LRRC1: variants seen among roughly 807,000 people sequenced by gnomAD.
LRRC1 encodes leucine rich repeat containing 1.
A neutral mutation model predicts 69.9 loss-of-function variants in LRRC1; 28 were observed. That is an observed-to-expected ratio of 0.40 (90% CI 0.30 to 0.55). LRRC1 has a LOEUF of 0.55. Among genes scored for constraint, LRRC1 ranks in the 20% least tolerant of loss-of-function variants. The pLI is 0.47. For missense variants in LRRC1, 498 were observed against 609.0 expected (o/e 0.82, Z 1.92); for synonymous variants, 236 against 240.2 (o/e 0.98, Z 0.16).
chr6:53,795,501 C>G (rs1340785577), intron 1 of LRRC1, 86 bp downstream of exon 1: 1 of 1,375,496 alleles, frequency 7.3e-7, no homozygotes, highest in Non-Finnish European at 9.7e-7. Context: ...TCTTCCATCT[C>G]CGGGTCCGGC....
At chr6:53,843,327 A>G (rs1006912056) in intron 2 of LRRC1, among the ~76,000 whole-genome samples, 2 of 152,200 alleles carry the variant, frequency 1.3e-5, no homozygotes, top group Non-Finnish European at 2.9e-5. Context: ...CAGGTCCCAG[A>G]CATATAATTC....
At chr6:53,811,471 G>C (rs1466202770) in intron 1 of LRRC1, among the ~76,000 whole-genome samples, 2 of 152,226 alleles carry the variant, frequency 1.3e-5, no homozygotes, top group Non-Finnish European at 2.9e-5. Flanking sequence ...ATTAGTTGGG[G>C]TGTTAATGAG....
intron 1 of LRRC1, among the ~76,000 whole-genome samples, chr6:53,820,923 C>A (rs1765096839): frequency 6.6e-6 from 1 of 152,136 alleles, no homozygotes; most frequent in Non-Finnish European, 1.5e-5. Context: ...ACACTATGGG[C>A]TACTACTGTA....
chr6:53,854,408 A>G (rs1766244469), intron 2 of LRRC1, among the ~76,000 whole-genome samples: 1 of 152,238 alleles, frequency 6.6e-6, no homozygotes, highest in Non-Finnish European at 1.5e-5. Context: ...TGAAATATAA[A>G]GAAACATTGT....
intron 1 of LRRC1, among the ~76,000 whole-genome samples, chr6:53,838,073 T>C (rs903472543): frequency 5.3e-5 from 8 of 152,196 alleles, no homozygotes; most frequent in African/African-American, 1.9e-4. Flanking sequence ...CTGGCTGATC[T>C]CAAAGGCAAG....
chr6:53,855,576 G>A (rs6925391), intron 2 of LRRC1, among the ~76,000 whole-genome samples: 69,172 of 151,982 alleles, frequency 0.46, 15,995 homozygotes, highest in Middle Eastern at 0.54. Context: ...GGAATTTCCT[G>A]CTTCCTCATC....
intron 2 of LRRC1, among the ~76,000 whole-genome samples, chr6:53,870,510 C>T (rs1277548974): frequency 2.0e-5 from 3 of 151,984 alleles, no homozygotes; most frequent in Non-Finnish European, 4.4e-5. Context: ...TTAGTTTTAT[C>T]TTTAATGGAC....
chr6:53,897,310 A>C lies in LRRC1; in HGVS notation c.593A>C (p.His198Pro), dbSNP rs766159853. The C allele has an allele frequency of 6.2e-7, 1 of 1,612,652 alleles. No homozygotes were observed. The highest frequency in any genetic ancestry group is 1.1e-5 in the South Asian group (1 of 90,978). The change falls in exon 7 of 14, where the codon CAT becomes CCT. Residue 198 changes from histidine (H) to proline (P), a missense_variant. By Grantham distance (77) the His-to-Pro change is moderately conservative. Around this residue, in one of 3 missense-constraint regions of LRRC1, gnomAD observed 266 missense variants for 383.9 expected, o/e 0.69. Coordinates refer to ENST00000370888, the MANE Select transcript of LRRC1 (RefSeq NM_018214.5). Reference sequence around the variant, plus strand: ...CCAGAATCAATTGGAGCCCTCTTACATCTAAAAGATCTCTGGTTGGATGGA... The same window carrying C: ...CCAGAATCAATTGGAGCCCTCTTACCTCTAAAAGATCTCTGGTTGGATGGA... Reference protein sequence around the residue: ...NLPESIGALLHLKDLWLDGNQ... With the variant: ...NLPESIGALLPLKDLWLDGNQ...
intron 1 of LRRC1, among the ~76,000 whole-genome samples, chr6:53,803,231 T>G (rs1230824765): frequency 6.6e-6 from 1 of 152,182 alleles, no homozygotes; most frequent in Non-Finnish European, 1.5e-5. Flanking sequence ...AACATTTCTT[T>G]GCGATGATGA....
intron 4 of LRRC1, chr6:53,884,238 C>A: frequency 2.0e-6 from 1 of 491,046 alleles, no homozygotes; most frequent in Non-Finnish European, 3.6e-6. Flanking sequence ...GGCATGGTGG[C>A]TCACACCTGT....
chr6:53,888,533 C>A (rs1767569428), intron 4 of LRRC1, among the ~76,000 whole-genome samples: 1 of 152,160 alleles, frequency 6.6e-6, no homozygotes, highest in African/African-American at 2.4e-5. Context: ...ACAAGTCGAT[C>A]TACAGACTCA....
intron 1 of LRRC1, among the ~76,000 whole-genome samples, chr6:53,840,888 G>GTC (rs1562038813): frequency 2.7e-5 from 2 of 74,736 alleles, no homozygotes; most frequent in African/African-American, 4.8e-5. Context: ...ATGTGTTTGT[G>GTC]TGTGTGTGTG....
intron 2 of LRRC1, among the ~76,000 whole-genome samples, chr6:53,871,296 T>A (rs1361808450): frequency 2.0e-5 from 3 of 152,194 alleles, no homozygotes; most frequent in Admixed American, 2.0e-4. Context: ...TTGCCGGTAT[T>A]TGTTGTTTTT....
intron 8 of LRRC1, among the ~76,000 whole-genome samples, 200 bp from the exon 9 acceptor site, chr6:53,902,429 T>C (rs528994393): frequency 1.3e-5 from 2 of 152,344 alleles, no homozygotes; most frequent in South Asian, 4.1e-4. Context: ...CTGACCGTTT[T>C]TGATGTTCTA....
intron 4 of LRRC1, among the ~76,000 whole-genome samples, chr6:53,887,510 T>C (rs1389438675): frequency 6.6e-6 from 1 of 151,974 alleles, no homozygotes; most frequent in Admixed American, 6.6e-5. Flanking sequence ...GCATATACTG[T>C]CTCATGACAC....
At chr6:53,890,358 G>C (rs1018576630) in intron 4 of LRRC1, among the ~76,000 whole-genome samples, 4 of 152,188 alleles carry the variant, frequency 2.6e-5, no homozygotes, top group African/African-American at 9.6e-5. Context: ...GTTGCTGATA[G>C]AAGTAGAATG....
intron 3 of LRRC1, among the ~76,000 whole-genome samples, chr6:53,880,870 C>A (rs930890302): frequency 2.0e-5 from 3 of 152,198 alleles, no homozygotes; most frequent in Non-Finnish European, 4.4e-5. Flanking sequence ...CTGGACTAAA[C>A]TTAAGGCAGC....
chr6:53,910,533 A>G (rs754141069), intron 10 of LRRC1, among the ~76,000 whole-genome samples: 1 of 152,206 alleles, frequency 6.6e-6, no homozygotes, highest in Non-Finnish European at 1.5e-5. Flanking sequence ...GACTGCCAGC[A>G]TCAGTACAGT....
At chr6:53,851,529 A>G (rs973756180) in intron 2 of LRRC1, among the ~76,000 whole-genome samples, 6 of 152,166 alleles carry the variant, frequency 3.9e-5, no homozygotes, top group Admixed American at 3.9e-4. Flanking sequence ...GATGATGCCC[A>G]CTACATTGGG....
Sources: allele counts gnomAD v4.1 joint callset (sites outside exome capture counted in the v4.1 genomes callset), GRCh38; gene constraint gnomAD v4.1.1; regional missense constraint gnomAD v4.1.1; transcripts MANE v1.5; gene names NCBI Gene and HGNC (gene_info 2026-07-23, HGNC 2026-07-21).